CATIP: variants seen among roughly 807,000 people sequenced by gnomAD.
CATIP encodes the protein ciliogenesis associated TTC17 interacting protein.
In CATIP, 40 loss-of-function variants were observed where a neutral mutation model predicts 42.5. The observed-to-expected ratio is 0.94, with a 90% CI of 0.73 to 1.22. CATIP has a LOEUF of 1.22. Among genes scored for constraint, CATIP ranks in the 50% most tolerant of loss-of-function variants. The probability of loss-of-function intolerance (pLI) is 0.00; values close to 1 mark genes in which losing one functional copy is unlikely to be tolerated. For missense variants in CATIP, 489 were observed against 496.0 expected (o/e 0.99, Z 0.13); for synonymous variants, 222 against 200.2 (o/e 1.11, Z -0.92).
Position 218,356,866 on chromosome 2 carries a change from G to C in CATIP, c.-19G>C. On this transcript the variant is annotated 5_prime_UTR_variant, in exon 1 of 10. Transcript: ENST00000289388. Reference sequence around the variant, plus strand: ...ATGGAGACAGCTGGACACAGACCGGGTAGAGGCAGGCCCACAGCATGTCCT... The same window carrying C: ...ATGGAGACAGCTGGACACAGACCGGCTAGAGGCAGGCCCACAGCATGTCCT... 6.2e-7 allele frequency: 1 copy of C among 1,614,110 alleles called. No homozygotes were observed. Among genetic ancestry groups the C allele is most frequent in the Non-Finnish European group, 8.5e-7 (1 of 1,180,002 alleles).
intron 6 of CATIP, among the ~76,000 whole-genome samples, chr2:218,363,248 A>C (rs978575078): frequency 1.4e-4 from 22 of 152,052 alleles, no homozygotes; most frequent in Admixed American, 1.3e-3. Flanking sequence ...TGGGAGGCCA[A>C]GGCGGGCCGA....
chr2:218,357,384 G>C, intron 2 of CATIP, 150 bp from the exon 3 acceptor site: 1 of 744,180 alleles, frequency 1.3e-6, no homozygotes, highest in East Asian at 2.7e-5. Context: ...ACATGGGGCA[G>C]GAGTCTTCAC....
chr2:218,360,529 A>G (rs749102511), intron 4 of CATIP, 44 bp from the exon 5 acceptor site: 1 of 1,461,250 alleles, frequency 6.8e-7, no homozygotes, highest in Non-Finnish European at 9.6e-7. Flanking sequence ...CCTCTGGGGG[A>G]CCCAGGGAGT....
chr2:218,366,943 A>C (rs1022903106), intron 7 of CATIP, 81 bp from the exon 8 acceptor site: 3 of 1,073,904 alleles, frequency 2.8e-6, no homozygotes, highest in Non-Finnish European at 4.3e-6. Context: ...ATACCACCAC[A>C]CTGGGGGTTA....
intron 6 of CATIP, among the ~76,000 whole-genome samples, chr2:218,363,324 CAA>C (rs768311618): frequency 7.2e-6 from 1 of 138,362 alleles, no homozygotes; most frequent in Admixed American, 7.3e-5. Flanking sequence ...ACTAAAAATA[CAA>C]AAAAAAAAAA....
At chr2:218,367,141 G>T in intron 8 of CATIP, 41 bp downstream of exon 8, 2 of 1,505,716 alleles carry the variant, frequency 1.3e-6, no homozygotes, top group East Asian at 2.3e-5. Context: ...GGAGAGTTAA[G>T]GGGAGTGGGG....
Position 218,357,572 on chromosome 2 carries a change from C to T in CATIP, c.157C>T (p.Leu53=), listed in dbSNP as rs771251364. ...ELQMLFFSET[L]AMVSDTGEPQ... is the part of the protein sequence containing the mutation. ...ACAGATGCTGTTCTTCTCTGAGACG[C>T]TGGCCATGGTCTCAGACACCGGGGA... Residue 53 remains leucine (L), a synonymous_variant, in exon 3 of 10, where the codon CTG becomes TTG. Coordinates refer to ENST00000289388, the MANE Select transcript of CATIP (RefSeq NM_198559.2). 2.5e-6 allele frequency: 4 copies of T among 1,613,960 alleles called. No individual in the cohort carries two copies. Among genetic ancestry groups the T allele is most frequent in the African/African-American group, 1.3e-5 (1 of 74,916 alleles).
intron 6 of CATIP, among the ~76,000 whole-genome samples, chr2:218,363,935 G>A (rs898007134): frequency 1.3e-5 from 2 of 151,786 alleles, no homozygotes; most frequent in Non-Finnish European, 2.9e-5. Context: ...TTTGTTTTTT[G>A]TTTTTAACTA....
intron 5 of CATIP, among the ~76,000 whole-genome samples, chr2:218,361,879 A>T (rs1021661030): frequency 6.6e-6 from 1 of 152,174 alleles, no homozygotes; most frequent in Non-Finnish European, 1.5e-5. Context: ...GTCCAGACTA[A>T]CGATTCATTC....
At chr2:218,360,752 C>A in intron 5 of CATIP, 93 bp downstream of exon 5, 1 of 1,020,648 alleles carries the variant, frequency 9.8e-7, no homozygotes, top group Non-Finnish European at 1.5e-6. Context: ...TTTATTTTGC[C>A]AAGGTTAAGG....
At chr2:218,358,476 G>A (rs577529731) in intron 4 of CATIP, among the ~76,000 whole-genome samples, 2 of 152,068 alleles carry the variant, frequency 1.3e-5, no homozygotes, top group South Asian at 2.1e-4. Context: ...CAGGAGAATC[G>A]CTTGAACCCA....
intron 6 of CATIP, 123 bp from the exon 7 acceptor site, chr2:218,364,505 G>A: frequency 2.9e-6 from 4 of 1,394,276 alleles, no homozygotes; most frequent in Non-Finnish European, 3.9e-6. Context: ...TTGGAGGTTT[G>A]GAGATGCAAT....
chr2:218,361,545 C>T (rs1192690528), intron 5 of CATIP, among the ~76,000 whole-genome samples: 2 of 152,132 alleles, frequency 1.3e-5, no homozygotes, highest in Non-Finnish European at 2.9e-5. Context: ...GTCACTTATG[C>T]CTTACTCTGG....
chr2:218,356,925 C>T lies in CATIP; in HGVS notation c.25+16C>T. ...TACTCCACAGGTGGGAAGAGGACTG[C>T]TGGGGCTGGAGGCGGGGATCCTCTT... On this transcript the variant is annotated intron_variant, in intron 1 of 9. Coordinates refer to ENST00000289388, the MANE Select transcript of CATIP (RefSeq NM_198559.2). The T allele has an allele frequency of 6.2e-7, 1 of 1,613,642 alleles. No individual in the cohort carries two copies. Among genetic ancestry groups the T allele is most frequent in the Non-Finnish European group, 8.5e-7 (1 of 1,179,742 alleles).
In CATIP at chr2:218,368,063, G is replaced by A; in HGVS notation, c.*99G>A. ...TGCGCTTTCCGGGCTGCGGTTTTGG[G>A]GGAATAAATGGGGCCCTCCCGCTTC... On this transcript the variant is annotated 3_prime_UTR_variant, in exon 10 of 10. Transcript: ENST00000289388. The A allele has an allele frequency of 7.5e-7, 1 of 1,330,436 alleles. No homozygotes were observed. 82.4% of individuals were successfully genotyped at this position (1,330,436 alleles called of 1,614,324 possible). A position where few individuals can be genotyped will look rare whatever the true frequency, so the allele number is the denominator to read the frequency against.
chr2:218,357,579 T>C lies in CATIP; in HGVS notation c.164T>C (p.Met55Thr). The C allele has an allele frequency of 6.2e-7, 1 of 1,613,952 alleles. No individual in the cohort carries two copies. Among genetic ancestry groups the C allele is most frequent in the South Asian group, 1.1e-5 (1 of 91,080 alleles). Reference sequence around the variant, plus strand: ...CTGTTCTTCTCTGAGACGCTGGCCATGGTCTCAGACACCGGGGAGCCTCAG... The same window carrying C: ...CTGTTCTTCTCTGAGACGCTGGCCACGGTCTCAGACACCGGGGAGCCTCAG... ...QMLFFSETLA[M>T]VSDTGEPQGE... The change falls in exon 3 of 10, where the codon ATG becomes ACG. Residue 55 changes from methionine (M) to threonine (T), a missense_variant. By Grantham distance (81) the Met-to-Thr change is moderately conservative. Transcript: ENST00000289388.
intron 6 of CATIP, among the ~76,000 whole-genome samples, chr2:218,364,242 C>A (rs1334655530): frequency 6.6e-6 from 1 of 152,200 alleles, no homozygotes; most frequent in African/African-American, 2.4e-5. Context: ...ACAGGGACAG[C>A]CTGCCAGCAA....
Position 218,367,948 on chromosome 2 carries a change from G to T in CATIP, c.1148G>T (p.Arg383Leu), listed in dbSNP as rs748392845. 12 of 1,589,302 alleles carry T rather than the reference G, an allele frequency of 7.6e-6. No homozygotes were observed. Among genetic ancestry groups the T allele is most frequent in the Non-Finnish European group, 9.4e-6 (11 of 1,171,376 alleles). ...FRSLEPEGDA[R>L]SGAA ...TCCCTGGAGCCGGAGGGAGACGCCC[G>T]CTCGGGGGCGGCCTAAGCGGGGCCC... The change falls in exon 10 of 10, where the codon CGC becomes CTC. Residue 383 changes from arginine (R) to leucine (L), a missense_variant. By Grantham distance (102) the Arg-to-Leu change is moderately radical (BLOSUM62 -2). Coordinates refer to ENST00000289388, the MANE Select transcript of CATIP (RefSeq NM_198559.2).
intron 4 of CATIP, among the ~76,000 whole-genome samples, chr2:218,358,909 A>G (rs1322820038): frequency 6.6e-6 from 1 of 151,296 alleles, no homozygotes; most frequent in Non-Finnish European, 1.5e-5. Context: ...AGAAAAAAGA[A>G]GAAAAAAGAT....
Sources: gnomAD v4.1 joint callset for allele counts (sites outside exome capture counted in the v4.1 genomes callset) on GRCh38, gnomAD v4.1.1 for gene constraint, MANE v1.5 for transcripts, NCBI Gene and HGNC (gene_info 2026-07-23, HGNC 2026-07-21) for gene names.